PFKL: variants seen among roughly 807,000 people sequenced by gnomAD.
PFKL encodes the protein ATP-dependent 6-phosphofructokinase, liver type.
A neutral mutation model predicts 92.1 loss-of-function variants in PFKL; 74 were observed. That is an observed-to-expected ratio of 0.80 (90% CI 0.67 to 0.97). PFKL has a LOEUF of 0.97. PFKL is among the 50% of genes least tolerant of loss of function. The pLI is 0.00. For missense variants in PFKL, 1,028 were observed against 1,116.6 expected (o/e 0.92, Z 1.13); for synonymous variants, 494 against 456.4 (o/e 1.08, Z -1.05).
In PFKL at chr21:44,318,477, A is replaced by G. The variant is rs764252061; in HGVS notation, c.944A>G (p.Lys315Arg). ...CTGAACCCTTCCCCACAGAGCAGCA[A>G]GATGGGCATGGAGGCGGTGATGGCG... The part of the protein sequence containing the change: ...PSAFDRILSS[K>R]MGMEAVMALL... The change falls in exon 10 of 22, where the codon AAG (lysine) becomes AGG (arginine). Residue 315 changes from lysine (K) to arginine (R), a missense_variant. Physicochemically the swap from Lys to Arg is conservative, Grantham distance 26. Coordinates refer to ENST00000349048, the MANE Select transcript of PFKL (RefSeq NM_002626.6). The G allele has an allele frequency of 6.5e-7, 1 of 1,549,692 alleles. No homozygotes were observed. The highest frequency in any genetic ancestry group is 8.8e-7 in the Non-Finnish European group (1 of 1,140,436).
intron 17 of PFKL, 70 bp downstream of exon 17, chr21:44,324,725 C>T (rs891534695): frequency 1.9e-5 from 30 of 1,556,786 alleles, no homozygotes; most frequent in Admixed American, 1.8e-5. Flanking sequence ...ACACTCAGGC[C>T]GGCCAGCGCA....
At chr21:44,316,182 G>C (rs1009481847) in intron 7 of PFKL, 62 bp from the exon 8 acceptor site, 83 of 1,510,490 alleles carry the variant, frequency 5.5e-5, no homozygotes, top group Non-Finnish European at 7.4e-5. Context: ...TGGCACCCGG[G>C]GGCTGTGTCC....
At chr21:44,304,852 G>C (rs564600724) in intron 1 of PFKL, among the ~76,000 whole-genome samples, 16 of 152,114 alleles carry the variant, frequency 1.1e-4, no homozygotes, top group Non-Finnish European at 1.6e-4. Flanking sequence ...CCCAGTTTCA[G>C]CTGTAGCAGC....
intron 9 of PFKL, among the ~76,000 whole-genome samples, chr21:44,318,118 C>T (rs977814834): frequency 1.3e-5 from 2 of 152,228 alleles, no homozygotes; most frequent in Admixed American, 6.5e-5. Context: ...AGGGCCTCCA[C>T]GGGAGGATCC....
At chr21:44,317,268 C>T (rs951414790) in intron 9 of PFKL, among the ~76,000 whole-genome samples, 4 of 152,186 alleles carry the variant, frequency 2.6e-5, no homozygotes, top group Non-Finnish European at 4.4e-5. Flanking sequence ...CAGGTGACTG[C>T]GCCCAGCCCT....
chr21:44,326,960 C>G lies in PFKL; in HGVS notation c.*98C>G. 8.6e-7 allele frequency: 1 copy of G among 1,158,226 alleles called. No homozygotes were observed. The highest frequency in any genetic ancestry group is 1.2e-6 in the Non-Finnish European group (1 of 804,440). 71.7% of individuals were successfully genotyped at this position (1,158,226 alleles called of 1,614,324 possible). A position where few individuals can be genotyped will look rare whatever the true frequency, so the allele number is the denominator to read the frequency against. ...GGCTGTTGTGTCTGGAGCCTGCAGGCAGGTGGGGGCTGCGTCCCTGCTCAG... is the reference window on the plus strand; with the variant it reads ...GGCTGTTGTGTCTGGAGCCTGCAGGGAGGTGGGGGCTGCGTCCCTGCTCAG... On this transcript the variant is annotated 3_prime_UTR_variant, in exon 22 of 22. Transcript: ENST00000349048.
Position 44,322,472 on chromosome 21 carries a change from C to T in PFKL, c.1409+269C>T, listed in dbSNP as rs543388470. Among the ~76,000 whole-genome samples the T allele has an allele frequency of 2.0e-3, 300 of 152,296 alleles. 1 individual carries two copies. The highest frequency in any genetic ancestry group is 6.9e-3 in the African/African-American group (286 of 41,572). ...CTGGCGAGCGTCTGTCCCTGCCTGGCCAGGCCAGGCAGCCTGCACTGTCAG... is the reference window on the plus strand; with the variant it reads ...CTGGCGAGCGTCTGTCCCTGCCTGGTCAGGCCAGGCAGCCTGCACTGTCAG... On this transcript the variant is annotated intron_variant, in intron 14 of 21. Transcript: ENST00000349048.
rs193148386 is a variant in PFKL, at chr21:44,314,146, G to A, written c.747+125G>A. 25 of 693,496 alleles carry A rather than the reference G, an allele frequency of 3.6e-5. No homozygotes were observed. The Middle Eastern group carries it at 7.2e-4, about 20-fold the overall frequency. The allele number at this position is 693,496 out of a possible 1,614,324, so 43.0% of individuals were successfully genotyped here. ...CATGGGTTCATCAGCAGCTGCAGGT[G>A]CCCCTTGGGGGCGGGACACGCAAGG... On this transcript the variant is annotated intron_variant, in intron 7 of 21. Coordinates refer to ENST00000349048, the MANE Select transcript of PFKL (RefSeq NM_002626.6).
At chr21:44,305,627 C>A (rs887030612) in intron 1 of PFKL, among the ~76,000 whole-genome samples, 3 of 152,176 alleles carry the variant, frequency 2.0e-5, no homozygotes, top group African/African-American at 7.2e-5. Flanking sequence ...CAGAAGGGGA[C>A]CCTGGCCGCT....
intron 11 of PFKL, 22 bp downstream of exon 11, chr21:44,319,437 C>G: frequency 6.2e-7 from 1 of 1,604,836 alleles, no homozygotes; most frequent in Non-Finnish European, 8.5e-7. Context: ...CAGCAGACCC[C>G]TGCACTCTTA....
At chr21:44,324,292 T>TG (rs1352751993) in intron 16 of PFKL, 199 bp from the exon 17 acceptor site, 1 of 606,142 alleles carries the variant, frequency 1.6e-6, no homozygotes, top group Admixed American at 3.0e-5. Flanking sequence ...CCCTGGGGGG[T>TG]GGGGTCGCCT....
intron 10 of PFKL, among the ~76,000 whole-genome samples, chr21:44,318,816 T>G (rs2047281446): frequency 6.6e-6 from 1 of 152,126 alleles, no homozygotes; most frequent in African/African-American, 2.4e-5. Context: ...GTGTCGGAGC[T>G]GCAGGGAGCC....
intron 7 of PFKL, chr21:44,315,978 C>A: frequency 2.0e-6 from 1 of 507,818 alleles, no homozygotes; most frequent in Non-Finnish European, 3.6e-6. Context: ...GCCCCGAGGG[C>A]CCCCTTCCTC....
At chr21:44,304,191 AT>A in intron 1 of PFKL, 1 of 1,283,890 alleles carries the variant, frequency 7.8e-7, no homozygotes, top group Non-Finnish European at 1.0e-6. Flanking sequence ...AGCAGGTTTT[AT>A]TTTGCAGAGC....
In PFKL at chr21:44,313,902, C is replaced by T. The variant is rs370956952; in HGVS notation, c.639-11C>T. The T allele has an allele frequency of 3.4e-5, 53 of 1,570,872 alleles. 1 individual carries two copies. Among genetic ancestry groups the T allele is most frequent in the African/African-American group, 2.8e-4 (21 of 74,508 alleles). The stretch of plus-strand genomic sequence containing the variant: ...TGGGGGTCCTGAGCAGGCAGGCGCT[C>T]GCTCCTCCAGGTACCTGGCGCTGGT... On this transcript the variant is annotated splice_polypyrimidine_tract_variant and intron_variant, in intron 6 of 21. Transcript: ENST00000349048.
chr21:44,326,166 G>A lies in PFKL; in HGVS notation c.2097G>A (p.Val699=). Residue 699 remains valine (V), a synonymous_variant, in exon 21 of 22, where the codon GTG becomes GTA. Coordinates refer to ENST00000349048, the MANE Select transcript of PFKL (RefSeq NM_002626.6). ...ACGTGCCTCTGTTTGCAGGACGGGT[G>A]TTCGCCAATGCCCCAGACTCGGCCT... is the stretch of plus-strand genomic sequence containing the variant. The part of the protein sequence containing the change: ...KLREVYRKGR[V]FANAPDSACV... 8 of 1,612,504 alleles carry A rather than the reference G, an allele frequency of 5.0e-6. No individual in the cohort carries two copies. Among genetic ancestry groups the A allele is most frequent in the Middle Eastern group, 3.3e-4 (2 of 6,060 alleles).
chr21:44,325,375 G>T (rs933183784), intron 19 of PFKL, 111 bp downstream of exon 19: 21 of 718,076 alleles, frequency 2.9e-5, no homozygotes, highest in African/African-American at 8.7e-5. Flanking sequence ...CTCCCGGCAG[G>T]CCCTCGGGCA....
chr21:44,324,828 G>T, intron 17 of PFKL, 28 bp from the exon 18 acceptor site: 2 of 1,600,862 alleles, frequency 1.2e-6, no homozygotes, highest in Non-Finnish European at 1.7e-6. Context: ...ACAGTCCTCC[G>T]GCTCATCCGT....
intron 4 of PFKL, 126 bp downstream of exon 4, chr21:44,312,420 T>A: frequency 1.2e-6 from 1 of 851,250 alleles, no homozygotes; most frequent in Non-Finnish European, 1.7e-6. Flanking sequence ...AGGGGCTGTC[T>A]GGCCGTTGGC....
Sources: allele counts gnomAD v4.1 joint callset (sites outside exome capture counted in the v4.1 genomes callset), GRCh38; gene constraint gnomAD v4.1.1; transcripts MANE v1.5; gene names NCBI Gene and HGNC (gene_info 2026-07-23, HGNC 2026-07-21).